The following PITPNM3 variants were observed in gnomAD, a reference collection of about 807,000 sequenced individuals.
The protein encoded by PITPNM3 is membrane-associated phosphatidylinositol transfer protein 3.
Under a neutral mutation model 102.0 loss-of-function variants are expected in PITPNM3, and 26 were observed. That is an observed-to-expected ratio of 0.25 (90% CI 0.19 to 0.35). The LOEUF (loss-of-function observed/expected upper bound fraction) is 0.35, where lower values mean the gene tolerates loss of function less well. Among genes scored for constraint, PITPNM3 ranks in the 10% least tolerant of loss-of-function variants. The pLI, the probability that PITPNM3 is intolerant of heterozygous loss-of-function variation, is 1.00. For missense variants in PITPNM3, 1,083 were observed against 1,346.1 expected, an observed-to-expected ratio of 0.80 and a Z score of 3.06; for synonymous variants, 578 against 558.6, an observed-to-expected ratio of 1.03 and a Z score of -0.49.
intron 2 of PITPNM3, among the ~76,000 whole-genome samples, chr17:6,526,344 G>A (rs1908833092): frequency 6.6e-6 from 1 of 152,184 alleles, no homozygotes; most frequent in South Asian, 2.1e-4. Flanking sequence ...CCTTAGGCAT[G>A]TGTGCTCTCC....
chr17:6,546,742 C>T (rs564024816), intron 1 of PITPNM3, among the ~76,000 whole-genome samples: 15 of 152,334 alleles, frequency 9.8e-5, no homozygotes, highest in Non-Finnish European at 1.8e-4. Flanking sequence ...TGGTGGCTCA[C>T]GCCCGTAATC....
At chr17:6,508,338 A>G (rs1907667458) in intron 3 of PITPNM3, among the ~76,000 whole-genome samples, 2 of 152,236 alleles carry the variant, frequency 1.3e-5, no homozygotes, top group Admixed American at 1.3e-4. Flanking sequence ...CGCACATGAA[A>G]TCGTTGGCTT....
chr17:6,524,415 G>C (rs910000967), intron 3 of PITPNM3, among the ~76,000 whole-genome samples: 20 of 152,168 alleles, frequency 1.3e-4, no homozygotes, highest in Non-Finnish European at 2.8e-4. Context: ...CCCAGATGTG[G>C]GTCTAGCCCT....
intron 2 of PITPNM3, among the ~76,000 whole-genome samples, chr17:6,534,956 C>T (rs1909335146): frequency 6.6e-6 from 1 of 152,098 alleles, no homozygotes; most frequent in African/African-American, 2.4e-5. Flanking sequence ...CAGGGAGACA[C>T]AGAGAAGGTC....
chr17:6,455,172 C>T lies in PITPNM3; in HGVS notation c.*166G>A, dbSNP rs1373205343. 1.1e-6 allele frequency: 1 copy of T among 913,880 alleles called. No homozygotes were observed. Among genetic ancestry groups the T allele is most frequent in the Non-Finnish European group, 1.6e-6 (1 of 642,098 alleles). The allele number at this position is 913,880 out of a possible 1,614,324, so 56.6% of individuals were successfully genotyped here. A position where few individuals can be genotyped will look rare whatever the true frequency, so the allele number is the denominator to read the frequency against. On this transcript the variant is annotated 3_prime_UTR_variant, in exon 20 of 20. Transcript: ENST00000262483. ...CACCCCGTCGCAGCTCAGGGAGCCC[C>T]CCGGGCTCGGGCAGGATCCCTCCCC...
intron 10 of PITPNM3, among the ~76,000 whole-genome samples, chr17:6,474,079 T>C (rs9897574): frequency 0.75 from 114,225 of 151,582 alleles, 43,464 homozygotes; most frequent in African/African-American, 0.87. Context: ...AACCTGGCAG[T>C]CGTATCTGCC....
chr17:6,481,542 C>G (rs948006220), intron 6 of PITPNM3: 1 of 152,162 alleles, frequency 6.6e-6, no homozygotes, highest in African/African-American at 2.4e-5. Context: ...AAGTTAAACA[C>G]CTTCCCCAGA....
intron 19 of PITPNM3, among the ~76,000 whole-genome samples, chr17:6,456,101 G>A (rs1028973657): frequency 5.3e-5 from 8 of 152,006 alleles, no homozygotes; most frequent in African/African-American, 1.2e-4. Flanking sequence ...TCAGCTCACC[G>A]CAGTCTCAAC....
At position 6,461,430 on chromosome 17, in the gene PITPNM3, C is replaced by A. The variant is rs1904446127; in HGVS notation, c.2433G>T (p.Gly811=). ...TCTGCCGCAGCGGGTCATGCACCAG[C>A]CCATCGGAGAAGAAGATCATGCCCT... is the stretch of plus-strand genomic sequence containing the variant. The part of the protein sequence containing the change: ...FPQGMIFFSD[G]LVHDPLRQKA... Residue 811 remains glycine, a synonymous_variant, in exon 18 of 20, where the codon GGG becomes GGT. Transcript: ENST00000262483. 6.2e-7 allele frequency: 1 copy of A among 1,614,046 alleles called. No individual in the cohort carries two copies. Among genetic ancestry groups the A allele is most frequent in the South Asian group, 1.1e-5 (1 of 91,094 alleles).
chr17:6,454,982 A>C lies in PITPNM3; in HGVS notation c.*356T>G. The C allele has an allele frequency of 3.0e-4, 78 of 263,714 alleles. No individual in the cohort carries two copies. Among genetic ancestry groups the C allele is most frequent in the Middle Eastern group, 1.1e-3 (1 of 874 alleles). The allele number at this position is 263,714 out of a possible 1,614,324, so 16.3% of individuals were successfully genotyped here. On this transcript the variant is annotated 3_prime_UTR_variant, in exon 20 of 20. Transcript: ENST00000262483. Reference sequence around the variant, plus strand: ...GGGCTGCCCCCTTGAGGGCCTGCCTAGCTCGCTGTGAAGCCTGGGGACGCA... The same window carrying C: ...GGGCTGCCCCCTTGAGGGCCTGCCTCGCTCGCTGTGAAGCCTGGGGACGCA...
intron 4 of PITPNM3, among the ~76,000 whole-genome samples, chr17:6,497,723 C>T (rs761575298): frequency 7.2e-5 from 11 of 152,146 alleles, no homozygotes; most frequent in Non-Finnish European, 1.3e-4. Context: ...AGCCATGAGA[C>T]GACCAGCATG....
At chr17:6,533,264 T>C (rs1302076363) in intron 2 of PITPNM3, among the ~76,000 whole-genome samples, 1 of 152,104 alleles carries the variant, frequency 6.6e-6, no homozygotes, top group Non-Finnish European at 1.5e-5. Flanking sequence ...GCCTGGCCCC[T>C]GGTAAGTTAT....
chr17:6,497,310 C>G (rs1640621552), intron 4 of PITPNM3, among the ~76,000 whole-genome samples: 1 of 152,192 alleles, frequency 6.6e-6, no homozygotes, highest in Admixed American at 6.5e-5. Flanking sequence ...AGCTGTTCCT[C>G]TGGTCACTGA....
intron 3 of PITPNM3, among the ~76,000 whole-genome samples, chr17:6,516,568 A>AG (rs1908196337): frequency 6.6e-6 from 1 of 151,700 alleles, no homozygotes; most frequent in Non-Finnish European, 1.5e-5. Flanking sequence ...CGCCTCAAAA[A>AG]AAAAAAAAAA....
chr17:6,502,468 A>G (rs944007679), intron 4 of PITPNM3, among the ~76,000 whole-genome samples: 1 of 152,140 alleles, frequency 6.6e-6, no homozygotes, highest in African/African-American at 2.4e-5. Flanking sequence ...GAAAAAAAAA[A>G]GAGAAAGATT....
chr17:6,543,509 T>G (rs1479888341), intron 1 of PITPNM3, among the ~76,000 whole-genome samples: 1 of 152,178 alleles, frequency 6.6e-6, no homozygotes, highest in Non-Finnish European at 1.5e-5. Flanking sequence ...GGAAGACATT[T>G]CACAGTGAGG....
intron 1 of PITPNM3, among the ~76,000 whole-genome samples, chr17:6,545,295 A>C (rs952980189): frequency 1.3e-5 from 2 of 152,166 alleles, no homozygotes; most frequent in African/African-American, 4.8e-5. Context: ...TAAAATAATA[A>C]ATTGTGATTC....
At chr17:6,479,848 G>A (rs1905556953) in intron 6 of PITPNM3, 2 of 152,214 alleles carry the variant, frequency 1.3e-5, no homozygotes, top group South Asian at 2.1e-4. Context: ...CCGTGATTAT[G>A]GGGTGATGAA....
At chr17:6,544,888 T>G (rs1028469310) in intron 1 of PITPNM3, among the ~76,000 whole-genome samples, 1 of 151,706 alleles carries the variant, frequency 6.6e-6, no homozygotes, top group African/African-American at 2.4e-5. Flanking sequence ...CACGCACACA[T>G]GCACTTAGAA....
Sources: allele counts gnomAD v4.1 joint callset (sites outside exome capture counted in the v4.1 genomes callset), GRCh38; gene constraint gnomAD v4.1.1; transcripts MANE v1.5; gene names NCBI Gene and HGNC (gene_info 2026-07-23, HGNC 2026-07-21).